Variants in MAMDC2 observed in about 807,000 individuals in gnomAD.
MAMDC2 encodes the protein MAM domain containing 2, also known as MAM domain-containing protein 2.
MAMDC2 carries 57 observed loss-of-function variants against 89.8 expected under a neutral mutation model. The ratio of observed to expected loss-of-function variants is 0.63; its 90% confidence interval spans 0.51 to 0.79. MAMDC2 has a LOEUF of 0.79. MAMDC2 is among the 30% of genes least tolerant of loss of function. The pLI, the probability that MAMDC2 is intolerant of heterozygous loss-of-function variation, is 0.00. For missense variants in MAMDC2, 800 were observed against 820.6 expected, an observed-to-expected ratio of 0.97 and a Z score of 0.31; for synonymous variants, 313 against 293.4, an observed-to-expected ratio of 1.07 and a Z score of -0.68.
chr9:70,089,882 T>C (rs554178004), intron 2 of MAMDC2, among the ~76,000 whole-genome samples: 1 of 152,298 alleles, frequency 6.6e-6, no homozygotes, highest in East Asian at 1.9e-4. Flanking sequence ...GAGATAATCA[T>C]GTATGTTGTT....
intron 2 of MAMDC2, among the ~76,000 whole-genome samples, chr9:70,105,503 T>A (rs1828315164): frequency 6.6e-6 from 1 of 152,152 alleles, no homozygotes; most frequent in Non-Finnish European, 1.5e-5. Flanking sequence ...GGTAGATACA[T>A]CTTTGCATGG....
At chr9:70,188,372 A>G (rs1311634165) in intron 11 of MAMDC2, among the ~76,000 whole-genome samples, 1 of 151,874 alleles carries the variant, frequency 6.6e-6, no homozygotes, top group East Asian at 1.9e-4. Flanking sequence ...TTCTGTATGT[A>G]TTACATCTTC....
At chr9:70,045,481 G>A (rs896946631) in intron 2 of MAMDC2, among the ~76,000 whole-genome samples, 2 of 152,128 alleles carry the variant, frequency 1.3e-5, no homozygotes, top group African/African-American at 4.8e-5. Context: ...GTCACCACCA[G>A]TGAAGCCTGA....
intron 9 of MAMDC2, among the ~76,000 whole-genome samples, chr9:70,151,863 C>T (rs2031591072): frequency 6.6e-6 from 1 of 152,170 alleles, no homozygotes; most frequent in South Asian, 2.1e-4. Context: ...GAGCCTGGCA[C>T]ACATGTGTCA....
intron 9 of MAMDC2, among the ~76,000 whole-genome samples, chr9:70,147,584 C>T (rs1157027550): frequency 6.7e-6 from 1 of 150,140 alleles, no homozygotes; most frequent in Admixed American, 6.7e-5. Flanking sequence ...TGTCTCTTGA[C>T]ACCCCACCAT....
intron 11 of MAMDC2, among the ~76,000 whole-genome samples, chr9:70,200,460 T>C (rs2033078213): frequency 6.6e-6 from 1 of 151,476 alleles, no homozygotes; most frequent in Admixed American, 6.6e-5. Flanking sequence ...TGTAGCCTTG[T>C]AGTATAGTTT....
chr9:70,131,339 A>C (rs1004418522), intron 6 of MAMDC2, among the ~76,000 whole-genome samples, 180 bp from the exon 7 acceptor site: 3 of 152,176 alleles, frequency 2.0e-5, no homozygotes, highest in African/African-American at 7.2e-5. Context: ...TCATTCTCCC[A>C]AAAAGAGACT....
chr9:70,139,211 GCTGCAC>G (rs2031108154), intron 7 of MAMDC2, among the ~76,000 whole-genome samples: 1 of 144,920 alleles, frequency 6.9e-6, no homozygotes, highest in African/African-American at 2.6e-5. Context: ...ATGCTGGTGT[GCTGCAC>G]CCATTAACTC....
chr9:70,123,857 T>C (rs945678424), intron 5 of MAMDC2, among the ~76,000 whole-genome samples: 10 of 152,088 alleles, frequency 6.6e-5, no homozygotes, highest in African/African-American at 2.4e-4. Context: ...CCAGAACAAA[T>C]CCTTCCCTCA....
At chr9:70,103,939 G>A (rs564388836) in intron 2 of MAMDC2, among the ~76,000 whole-genome samples, 13 of 150,910 alleles carry the variant, frequency 8.6e-5, no homozygotes, top group African/African-American at 2.4e-4. Flanking sequence ...CCGAGATCAC[G>A]CCACTGCATT....
At chr9:70,090,308 A>T (rs913394007) in intron 2 of MAMDC2, among the ~76,000 whole-genome samples, 6 of 152,092 alleles carry the variant, frequency 3.9e-5, no homozygotes, top group African/African-American at 1.2e-4. Flanking sequence ...CAAAAAGTTT[A>T]AAATTTCTCT....
chr9:70,109,637 T>C, intron 3 of MAMDC2, 83 bp from the exon 4 acceptor site: 1 of 1,164,454 alleles, frequency 8.6e-7, no homozygotes, highest in Non-Finnish European at 1.3e-6. Flanking sequence ...GCTGAACAGC[T>C]CCAGACTAAT....
chr9:70,198,820 CAAT>C lies in MAMDC2; in HGVS notation c.1652-19514_1652-19512del, dbSNP rs1233877386. Among the ~76,000 whole-genome samples the C allele has an allele frequency of 2.6e-5, 4 of 152,018 alleles. No individual in the cohort carries two copies. In the South Asian group the frequency reaches 6.2e-4, roughly 24 times the overall value. ...TTGTGTGATTGAAATATTAATAACACAATAAAATATTAAATAATGAAGTTTATC... is the reference window on the plus strand; with the variant it reads ...TTGTGTGATTGAAATATTAATAACACAAAATATTAAATAATGAAGTTTATC... On this transcript the variant is annotated intron_variant, in intron 11 of 13. Coordinates refer to ENST00000377182, the MANE Select transcript of MAMDC2 (RefSeq NM_153267.5).
At chr9:70,151,469 A>C (rs2031576986) in intron 9 of MAMDC2, among the ~76,000 whole-genome samples, 2 of 152,174 alleles carry the variant, frequency 1.3e-5, no homozygotes, top group Admixed American at 6.5e-5. Context: ...TCATCAGTAA[A>C]ATTCTGTTCA....
intron 9 of MAMDC2, among the ~76,000 whole-genome samples, chr9:70,157,324 G>T (rs897399288): frequency 2.0e-5 from 3 of 152,176 alleles, no homozygotes; most frequent in Non-Finnish European, 2.9e-5. Flanking sequence ...ATAAGTATTT[G>T]CTGGCCTCTA....
At chr9:70,204,811 C>G (rs553455332) in intron 11 of MAMDC2, among the ~76,000 whole-genome samples, 1 of 152,146 alleles carries the variant, frequency 6.6e-6, no homozygotes, top group Admixed American at 6.5e-5. Flanking sequence ...TGGGAGTGAC[C>G]CGATTTTCCA....
At chr9:70,125,889 A>G (rs934116870) in intron 5 of MAMDC2, among the ~76,000 whole-genome samples, 2 of 152,172 alleles carry the variant, frequency 1.3e-5, no homozygotes, top group African/African-American at 4.8e-5. Flanking sequence ...TTCTCTGTGT[A>G]TATTTTACTT....
intron 11 of MAMDC2, among the ~76,000 whole-genome samples, chr9:70,180,029 A>G (rs1243735619): frequency 6.6e-6 from 1 of 150,554 alleles, no homozygotes. Context: ...CCACCCCCCA[A>G]CAGGCCCCGG....
chr9:70,102,904 T>A (rs1215385717), intron 2 of MAMDC2, among the ~76,000 whole-genome samples: 1 of 152,220 alleles, frequency 6.6e-6, no homozygotes, highest in East Asian at 1.9e-4. Context: ...TGCATCACAG[T>A]CAACCTCCCA....
Sources: gnomAD v4.1 joint callset for allele counts (sites outside exome capture counted in the v4.1 genomes callset) on GRCh38, gnomAD v4.1.1 for gene constraint, MANE v1.5 for transcripts, NCBI Gene and HGNC (gene_info 2026-07-23, HGNC 2026-07-21) for gene names.